OR2L13: variants seen among roughly 807,000 people sequenced by gnomAD.
The protein encoded by OR2L13 is olfactory receptor family 2 subfamily L member 13.
A neutral mutation model predicts 15.3 loss-of-function variants in OR2L13; 14 were observed. The ratio of observed to expected loss-of-function variants is 0.91; its 90% CI spans 0.60 to 1.43. The LOEUF (loss-of-function observed/expected upper bound fraction) is 1.43. Among genes scored for constraint, OR2L13 ranks in the 40% most tolerant of loss-of-function variants. OR2L13 has a pLI of 0.00. For synonymous variants in OR2L13, 152 were observed against 142.9 expected (o/e 1.06, Z -0.45); for missense variants, 367 against 387.9 (o/e 0.95, Z 0.45).
chr1:248,022,661 G>A, the OR2L13 span: 52 of 1,613,866 alleles, frequency 3.2e-5, no homozygotes, highest in Admixed American at 2.3e-4. Flanking sequence ...AGGCCTATTC[G>A]ACCTGCAGCA....
the OR2L13 span, among the ~76,000 whole-genome samples, chr1:248,081,916 A>T: frequency 9.8e-5 from 15 of 152,302 alleles, no homozygotes; most frequent in South Asian, 3.1e-3. Context: ...TTTGAAATTC[A>T]GGATGGTCTG....
the OR2L13 span, among the ~76,000 whole-genome samples, chr1:248,047,373 G>A: frequency 6.6e-6 from 1 of 152,064 alleles, no homozygotes; most frequent in East Asian, 1.9e-4. Context: ...TGAAATGCCT[G>A]GAAAGTATTA....
chr1:248,074,002 A>T, the OR2L13 span, among the ~76,000 whole-genome samples: 3 of 152,116 alleles, frequency 2.0e-5, no homozygotes, highest in Non-Finnish European at 4.4e-5. Flanking sequence ...ACTTAAAAAA[A>T]TTAAATCTCT....
At chr1:248,022,962 A>G in the OR2L13 span, 1 of 1,305,568 alleles carries the variant, frequency 7.7e-7, no homozygotes, top group South Asian at 1.5e-5. Flanking sequence ...GAAAAACATT[A>G]TTACATGCCC....
the OR2L13 span, chr1:248,035,412 G>A: frequency 6.6e-6 from 1 of 152,076 alleles, no homozygotes; most frequent in Non-Finnish European, 1.5e-5. Context: ...TCGCGCCACT[G>A]CACTCCAGCC....
the OR2L13 span, among the ~76,000 whole-genome samples, chr1:248,009,890 G>A: frequency 2.0e-5 from 3 of 151,946 alleles, no homozygotes; most frequent in Admixed American, 6.6e-5. Flanking sequence ...GTAATGCATC[G>A]CATAAACAGA....
chr1:247,952,811 A>C, the OR2L13 span, among the ~76,000 whole-genome samples: 50 of 152,332 alleles, frequency 3.3e-4, no homozygotes, highest in African/African-American at 1.2e-3. Context: ...GGAGGGAATC[A>C]GGAGACCTAG....
the OR2L13 span, among the ~76,000 whole-genome samples, chr1:247,967,265 C>G: frequency 6.6e-6 from 1 of 151,982 alleles, no homozygotes; most frequent in East Asian, 1.9e-4. Context: ...GTCTTGTTCT[C>G]TCGCCCAGGC....
chr1:247,992,258 T>C, the OR2L13 span, among the ~76,000 whole-genome samples: 7 of 130,150 alleles, frequency 5.4e-5, no homozygotes, highest in African/African-American at 2.1e-4. Flanking sequence ...ACTGTAAGAA[T>C]ACAGTATATA....
At chr1:247,991,691 C>T in the OR2L13 span, among the ~76,000 whole-genome samples, 1 of 149,656 alleles carries the variant, frequency 6.7e-6, no homozygotes, top group African/African-American at 2.5e-5. Flanking sequence ...ACATTCTCTT[C>T]TGCACAATTT....
chr1:248,047,846 G>T, the OR2L13 span, among the ~76,000 whole-genome samples: 1 of 152,164 alleles, frequency 6.6e-6, no homozygotes, highest in South Asian at 2.1e-4. Context: ...GCTGAAACTT[G>T]CAGGTTCTCT....
the OR2L13 span, among the ~76,000 whole-genome samples, chr1:248,071,377 A>G: frequency 1.9e-4 from 29 of 152,250 alleles, no homozygotes; most frequent in East Asian, 5.6e-3. Context: ...GACAAAAACC[A>G]CATGATTATC....
chr1:247,956,445 A>C, the OR2L13 span, among the ~76,000 whole-genome samples: 15 of 151,600 alleles, frequency 9.9e-5, no homozygotes, highest in South Asian at 3.2e-3. Context: ...TTGGTTCCAT[A>C]TGAACTTTAA....
At chr1:248,022,967 A>T in the OR2L13 span, 1 of 1,234,910 alleles carries the variant, frequency 8.1e-7, no homozygotes, top group Non-Finnish European at 1.1e-6. Flanking sequence ...ACATTATTAC[A>T]TGCCCAGTAT....
At chr1:248,025,364 G>T in the OR2L13 span, among the ~76,000 whole-genome samples, 2 of 147,902 alleles carry the variant, frequency 1.4e-5, no homozygotes. Flanking sequence ...ACCATCACTG[G>T]CCATCAGAGA....
the OR2L13 span, among the ~76,000 whole-genome samples, chr1:248,064,884 C>A: frequency 2.0e-5 from 3 of 152,094 alleles, no homozygotes; most frequent in African/African-American, 7.2e-5. Context: ...TCAAGGCTAT[C>A]AGAAATGACT....
At chr1:247,969,341 T>C in the OR2L13 span, among the ~76,000 whole-genome samples, 1 of 152,218 alleles carries the variant, frequency 6.6e-6, no homozygotes, top group African/African-American at 2.4e-5. Flanking sequence ...AAAAGCTCTT[T>C]AGTTTAATTA....
chr1:248,069,571 G>A, the OR2L13 span, among the ~76,000 whole-genome samples: 1,407 of 152,186 alleles, frequency 9.2e-3, 27 homozygotes, highest in African/African-American at 0.032. Flanking sequence ...ATCAACTGTC[G>A]AGCAAAATAA....
At chr1:247,943,379 AATATAACC>A in the OR2L13 span, among the ~76,000 whole-genome samples, 1 of 152,140 alleles carries the variant, frequency 6.6e-6, no homozygotes, top group Non-Finnish European at 1.5e-5. Context: ...AGCATCACAC[AATATAACC>A]ATGTAACAAA....
Sources: allele counts gnomAD v4.1 joint callset (sites outside exome capture counted in the v4.1 genomes callset), GRCh38; gene constraint gnomAD v4.1.1; transcripts MANE v1.5; gene names NCBI Gene and HGNC (gene_info 2026-07-23, HGNC 2026-07-21).